SIPA1L1: variants seen among roughly 807,000 people sequenced by gnomAD.
SIPA1L1 encodes the protein signal-induced proliferation-associated 1-like protein 1.
In SIPA1L1, 26 loss-of-function variants were observed where a neutral mutation model predicts 162.7. That is an observed-to-expected ratio of 0.16 (90% confidence interval 0.12 to 0.22). The LOEUF (loss-of-function observed/expected upper bound fraction) is 0.22. SIPA1L1 is among the 10% of genes least tolerant of loss of function. The pLI is 1.00. For synonymous variants in SIPA1L1, 829 were observed against 837.4 expected (o/e 0.99, Z 0.17); for missense variants, 1,874 against 2,241.0 (o/e 0.84, Z 3.31).
chr14:71,458,253 T>A (rs1259508785), intron 2 of SIPA1L1, among the ~76,000 whole-genome samples: 1 of 152,198 alleles, frequency 6.6e-6, no homozygotes, highest in Non-Finnish European at 1.5e-5. Flanking sequence ...TTAAGAGACA[T>A]ATTACTTCAA....
intron 2 of SIPA1L1, among the ~76,000 whole-genome samples, chr14:71,399,910 G>A (rs927731501): frequency 1.3e-5 from 2 of 151,904 alleles, no homozygotes; most frequent in African/African-American, 4.8e-5. Flanking sequence ...TAGTAGAGAC[G>A]GGGTTTTGCC....
chr14:71,734,127 T>C (rs1291858796), intron 21 of SIPA1L1, among the ~76,000 whole-genome samples: 1 of 152,240 alleles, frequency 6.6e-6, no homozygotes, highest in East Asian at 1.9e-4. Flanking sequence ...CCAGAGAGGA[T>C]CTTTCATCAC....
intron 2 of SIPA1L1, chr14:71,415,889 G>A: frequency 6.6e-6 from 1 of 152,224 alleles, no homozygotes; most frequent in East Asian, 1.9e-4. Context: ...GTAGAGATGA[G>A]GTTTCGCCAT....
chr14:71,521,849 A>T (rs1358813877), intron 3 of SIPA1L1, among the ~76,000 whole-genome samples: 1 of 152,212 alleles, frequency 6.6e-6, no homozygotes, highest in Non-Finnish European at 1.5e-5. Context: ...TCCAGTGGGT[A>T]GGTAGTAGTA....
chr14:71,416,221 A>G (rs928876794), intron 2 of SIPA1L1: 2 of 152,166 alleles, frequency 1.3e-5, no homozygotes, highest in Non-Finnish European at 1.5e-5. Context: ...ACGTTTAAAC[A>G]AAGTTTTCAC....
intron 2 of SIPA1L1, among the ~76,000 whole-genome samples, chr14:71,349,746 A>G (rs375394202): frequency 2.0e-5 from 3 of 152,196 alleles, no homozygotes; most frequent in East Asian, 1.9e-4. Context: ...TGCCGGAGGA[A>G]CAAAGGTGAA....
In SIPA1L1 at chr14:71,663,939, AT is replaced by A. The variant is rs1472335474; in HGVS notation, c.2255+2474del. 3.3e-5 allele frequency among the ~76,000 whole-genome samples: 5 copies of A among 152,216 alleles called. No homozygotes were observed. The East Asian group carries it at 9.6e-4, about 29-fold the overall frequency. Reference sequence around the variant, plus strand: ...ACATCACTGAAAGAAATCACAAGAGATTATAGAGCAGTGACCTATGCCTATT... The same window carrying A: ...ACATCACTGAAAGAAATCACAAGAGATATAGAGCAGTGACCTATGCCTATT... On this transcript the variant is annotated intron_variant, in intron 10 of 23. Transcript: ENST00000381232.
At position 71,602,371 on chromosome 14, in the gene SIPA1L1, A is replaced by T. The variant is rs150933547; in HGVS notation, c.1498+13001A>T. On this transcript the variant is annotated intron_variant, in intron 5 of 23. Coordinates refer to ENST00000381232, the MANE Select transcript of SIPA1L1 (RefSeq NM_001386936.1). ...TTCTATTTATTTTTACAGTTTATAGAGTTTCTCTTATTATTGGTTTCTAGT... is the reference window on the plus strand; with the variant it reads ...TTCTATTTATTTTTACAGTTTATAGTGTTTCTCTTATTATTGGTTTCTAGT... Among the ~76,000 whole-genome samples the T allele has an allele frequency of 9.9e-3, 1,505 of 152,036 alleles. 30 individuals carry two copies. Among genetic ancestry groups the T allele is most frequent in the Admixed American group, 0.049 (750 of 15,272 alleles).
intron 2 of SIPA1L1, among the ~76,000 whole-genome samples, chr14:71,323,750 A>C (rs1436626182): frequency 1.3e-5 from 2 of 152,154 alleles, no homozygotes; most frequent in African/African-American, 2.4e-5. Flanking sequence ...TGAGTCAAGC[A>C]ATATTTATTG....
chr14:71,739,708 A>G lies in SIPA1L1; in HGVS notation c.*547A>G, dbSNP rs1184772828. ...ACCTCCCTTGAATGACTCGTGCATG[A>G]GCTAGTGCTGTCTGTACCTGTCCTC... On this transcript the variant is annotated 3_prime_UTR_variant, in exon 24 of 24. Coordinates refer to ENST00000381232, the MANE Select transcript of SIPA1L1 (RefSeq NM_001386936.1). The G allele has an allele frequency of 6.6e-6, 1 of 152,318 alleles. No homozygotes were observed. Among genetic ancestry groups the G allele is most frequent in the Admixed American group, 6.5e-5 (1 of 15,282 alleles). The allele number at this position is 152,318 out of a possible 1,614,324, so 9.4% of individuals were successfully genotyped here.
chr14:71,433,837 T>C (rs1258234191), intron 2 of SIPA1L1, among the ~76,000 whole-genome samples: 2 of 152,218 alleles, frequency 1.3e-5, no homozygotes, highest in East Asian at 1.9e-4. Flanking sequence ...TGACTTTAAA[T>C]GAATTATGCC....
At position 71,479,336 on chromosome 14, in the gene SIPA1L1, G is replaced by GGTATGTATGTATGTATGTATGTAT. The variant is rs59082026; in HGVS notation, c.-464-33392_-464-33369dup. Among the ~76,000 whole-genome samples, 294 of 148,328 alleles carry GGTATGTATGTATGTATGTATGTAT rather than the reference G, an allele frequency of 2.0e-3. 4 individuals are homozygous for GGTATGTATGTATGTATGTATGTAT. The highest frequency in any genetic ancestry group is 1.9e-3 in the South Asian group (9 of 4,626). On this transcript the variant is annotated intron_variant, in intron 2 of 23. Coordinates refer to ENST00000381232, the MANE Select transcript of SIPA1L1 (RefSeq NM_001386936.1). ...CTTTTTCCATGTGTGTGTGTATGTA[G>GGTATGTATGTATGTATGTATGTAT]GTATGTATGTATGTATGTATGTATG...
intron 2 of SIPA1L1, among the ~76,000 whole-genome samples, chr14:71,345,915 A>T (rs1354042933): frequency 6.8e-6 from 1 of 147,588 alleles, no homozygotes; most frequent in Admixed American, 6.8e-5. Flanking sequence ...TGTATAATTT[A>T]TTATTATTAT....
rs553001126 is a variant in SIPA1L1 at position 71,598,173 on chromosome 14, A to C, written c.1498+8803A>C. The C allele has an allele frequency of 2.4e-4, 237 of 983,410 alleles. No individual in the cohort carries two copies. In the African/African-American group the frequency reaches 3.9e-3, roughly 16 times the overall value. 60.9% of individuals were successfully genotyped at this position (983,410 alleles called of 1,614,324 possible). ...AGGTCTGTGTGTGGTCATGGTGGTT[A>C]CCAAGACCACCAATTGATCCCCACA... is the stretch of plus-strand genomic sequence containing the variant. On this transcript the variant is annotated intron_variant, in intron 5 of 23. Transcript: ENST00000381232.
chr14:71,330,162 G>C (rs1566894712), intron 2 of SIPA1L1, among the ~76,000 whole-genome samples: 1 of 152,184 alleles, frequency 6.6e-6, no homozygotes, highest in Non-Finnish European at 1.5e-5. Flanking sequence ...AGCTCGCCTA[G>C]AAAACTAGGG....
chr14:71,597,899 C>T (rs2036236381), intron 5 of SIPA1L1, among the ~76,000 whole-genome samples: 1 of 152,176 alleles, frequency 6.6e-6, no homozygotes, highest in Non-Finnish European at 1.5e-5. Context: ...AATTCACAGC[C>T]AGCCTAAGCA....
chr14:71,413,863 C>T (rs569090454), intron 2 of SIPA1L1: 2 of 152,016 alleles, frequency 1.3e-5, no homozygotes, highest in East Asian at 3.9e-4. Flanking sequence ...ATTTTTTTCC[C>T]CTTTTACTTA....
chr14:71,399,922 T>C (rs569109371), intron 2 of SIPA1L1, among the ~76,000 whole-genome samples: 8 of 152,162 alleles, frequency 5.3e-5, no homozygotes, highest in Admixed American at 2.0e-4. Context: ...GGTTTTGCCA[T>C]GTTGGCTAGC....
chr14:71,708,029 G>GTTTTTTTTTTTTTT (rs58827391), intron 16 of SIPA1L1, among the ~76,000 whole-genome samples: 46 of 82,068 alleles, frequency 5.6e-4, no homozygotes, highest in South Asian at 9.5e-4. Context: ...TTTTTTTTTT[G>GTTTTTTTTTTTTTT]TTTTTTTTTT....
Sources: gnomAD v4.1 joint callset for allele counts (sites outside exome capture counted in the v4.1 genomes callset) on GRCh38, gnomAD v4.1.1 for gene constraint, MANE v1.5 for transcripts, NCBI Gene and HGNC (gene_info 2026-07-23, HGNC 2026-07-21) for gene names.